NHSL1: variants seen among roughly 807,000 people sequenced by gnomAD.
NHSL1 encodes the protein NHS-like protein 1.
In NHSL1, 48 loss-of-function variants were observed where a neutral mutation model predicts 95.0. The observed-to-expected ratio is 0.51, with a 90% CI of 0.40 to 0.64. NHSL1 has a LOEUF of 0.64. Among genes scored for constraint, NHSL1 ranks in the 30% least tolerant of loss-of-function variants. The probability of loss-of-function intolerance (pLI) is 0.00; values close to 1 mark genes in which losing one functional copy is unlikely to be tolerated. For synonymous variants in NHSL1, 783 were observed against 833.9 expected (o/e 0.94, Z 1.05); for missense variants, 1,971 against 2,077.7 (o/e 0.95, Z 1.00).
intron 1 of NHSL1, among the ~76,000 whole-genome samples, chr6:138,536,234 T>C (rs1782338119): frequency 1.3e-5 from 2 of 152,332 alleles, no homozygotes. Context: ...ATCCATTCTA[T>C]GGTTTCACAA....
At chr6:138,619,947 CAAAA>C (rs11376703) in intron 1 of NHSL1, among the ~76,000 whole-genome samples, 3 of 102,194 alleles carry the variant, frequency 2.9e-5, no homozygotes, top group African/African-American at 7.3e-5. Context: ...AACTCTATCA[CAAAA>C]AAAAAAAAAA....
intron 1 of NHSL1, among the ~76,000 whole-genome samples, chr6:138,528,041 C>T (rs1036801150): frequency 6.6e-6 from 1 of 152,128 alleles, no homozygotes; most frequent in African/African-American, 2.4e-5. Context: ...GGCCATATTC[C>T]AATCCATATT....
intron 3 of NHSL1, among the ~76,000 whole-genome samples, chr6:138,447,538 C>T (rs1776943227): frequency 6.6e-6 from 1 of 152,154 alleles, no homozygotes; most frequent in Non-Finnish European, 1.5e-5. Context: ...CTTTAGGAGG[C>T]TGAGGTGGGT....
chr6:138,503,715 G>A (rs1458401638), upstream of NHSL1, among the ~76,000 whole-genome samples: 1 of 152,102 alleles, frequency 6.6e-6, no homozygotes, highest in Non-Finnish European at 1.5e-5. Context: ...TAAACATCCT[G>A]CTCAACCTTC....
intron 2 of NHSL1, among the ~76,000 whole-genome samples, chr6:138,474,821 G>C (rs1441918915): frequency 2.0e-5 from 3 of 152,032 alleles, no homozygotes; most frequent in African/African-American, 7.3e-5. Flanking sequence ...TTCTCCATTT[G>C]ACAATTTTCC....
upstream of NHSL1, among the ~76,000 whole-genome samples, chr6:138,575,447 AAAGT>A (rs1171542181): frequency 6.6e-6 from 1 of 152,232 alleles, no homozygotes. Context: ...ACTCTCCGTC[AAAGT>A]AAGTGCCCAC....
At chr6:138,596,974 C>T (rs1337117383) in intron 1 of NHSL1, among the ~76,000 whole-genome samples, 12 of 152,010 alleles carry the variant, frequency 7.9e-5, no homozygotes, top group Admixed American at 7.2e-4. Flanking sequence ...GCCTGGCCCA[C>T]GTGGCAAAAC....
intron 2 of NHSL1, among the ~76,000 whole-genome samples, chr6:138,474,534 C>A (rs1454086104): frequency 6.6e-6 from 1 of 151,760 alleles, no homozygotes; most frequent in Non-Finnish European, 1.5e-5. Flanking sequence ...AGTGGAAGGA[C>A]AACGTTTACA....
At chr6:138,569,374 T>G (rs969380996) in intron 1 of NHSL1, among the ~76,000 whole-genome samples, 1 of 152,066 alleles carries the variant, frequency 6.6e-6, no homozygotes, top group Non-Finnish European at 1.5e-5. Flanking sequence ...AAAATGTTAA[T>G]GTAAGTTAGG....
intron 1 of NHSL1, among the ~76,000 whole-genome samples, chr6:138,516,486 G>A (rs544511609): frequency 1.7e-4 from 26 of 152,274 alleles, no homozygotes; most frequent in African/African-American, 6.0e-4. Flanking sequence ...GGGGTTTGTG[G>A]CAATGGCTGT....
chr6:138,586,710 G>A (rs904964584), intron 1 of NHSL1, among the ~76,000 whole-genome samples: 3 of 152,208 alleles, frequency 2.0e-5, no homozygotes, highest in African/African-American at 7.2e-5. Flanking sequence ...AGGTAGTGGG[G>A]AGAGTGTGAA....
At chr6:138,651,465 AAATAG>A (rs1785092278) in intron 1 of NHSL1, among the ~76,000 whole-genome samples, 1 of 152,262 alleles carries the variant, frequency 6.6e-6, no homozygotes, top group Non-Finnish European at 1.5e-5. Flanking sequence ...CACGTTAACA[AAATAG>A]AATAGTTGTA....
chr6:138,431,425 G>A lies in NHSL1; in HGVS notation c.2920C>T (p.Pro974Ser). The change falls in exon 6 of 8, where the codon CCG (proline) becomes TCG (serine). Residue 974 changes from proline (P) to serine (S), a missense_variant. By Grantham distance (74) the Pro-to-Ser change is moderately conservative. This residue lies in a region of NHSL1 where 1,602 missense variants were observed against 1,654.5 expected (regional missense o/e 0.97). Coordinates refer to ENST00000343505, the MANE Select transcript of NHSL1 (RefSeq NM_001144060.2). This position sits in a 1 kb window ranked among gnomAD's most constrained non-coding sequence, Gnocchi z 4.0. ...AAAGGAATGAGAGCTTCTGGCGGCG[G>A]AGGGGGGAACACAGGAGAGTGAGGC... is the stretch of plus-strand genomic sequence containing the variant. Reference protein sequence around the residue: ...PLPHSPVFPPPPPEALIPFCS... With the variant: ...PLPHSPVFPPSPPEALIPFCS... 7.1e-6 allele frequency: 11 copies of A among 1,550,782 alleles called. No individual in the cohort carries two copies. The highest frequency in any genetic ancestry group is 9.6e-6 in the Non-Finnish European group (11 of 1,146,820).
At chr6:138,486,942 G>T (rs1418005778) in intron 2 of NHSL1, among the ~76,000 whole-genome samples, 1 of 152,234 alleles carries the variant, frequency 6.6e-6, no homozygotes, top group East Asian at 1.9e-4. Flanking sequence ...TCCAGGAAAG[G>T]TTGTGGGGGA....
intron 1 of NHSL1, among the ~76,000 whole-genome samples, chr6:138,679,207 G>C (rs1446154325): frequency 1.3e-5 from 2 of 152,042 alleles, no homozygotes; most frequent in African/African-American, 4.8e-5. Context: ...CAACCACCAA[G>C]GTGAGAAAAG....
chr6:138,595,787 C>T (rs1784295434), intron 1 of NHSL1, among the ~76,000 whole-genome samples: 2 of 152,082 alleles, frequency 1.3e-5, no homozygotes, highest in Non-Finnish European at 2.9e-5. Flanking sequence ...GGAAACAAAA[C>T]GCTGAGTCCT....
At chr6:138,569,168 G>A (rs1261956904) in intron 1 of NHSL1, among the ~76,000 whole-genome samples, 5 of 152,142 alleles carry the variant, frequency 3.3e-5, no homozygotes, top group African/African-American at 1.2e-4. Flanking sequence ...CCCACAGGGG[G>A]ACAACTGATG....
In NHSL1 at chr6:138,422,654, T is replaced by A. The variant is rs1774991149; in HGVS notation, c.*1427A>T. ...GTTAAGGGAGTAAGGGTGGGGGTAATGAGATTATTACATTAAAATAAAGAC... is the reference window on the plus strand; with the variant it reads ...GTTAAGGGAGTAAGGGTGGGGGTAAAGAGATTATTACATTAAAATAAAGAC... On this transcript the variant is annotated 3_prime_UTR_variant, in exon 8 of 8. Coordinates refer to ENST00000343505, the MANE Select transcript of NHSL1 (RefSeq NM_001144060.2). The A allele has an allele frequency of 6.6e-6, 1 of 152,146 alleles. No homozygotes were observed. Among genetic ancestry groups the A allele is most frequent in the Non-Finnish European group, 1.5e-5 (1 of 68,034 alleles). The allele number at this position is 152,146 out of a possible 1,614,324, so 9.4% of individuals were successfully genotyped here.
chr6:138,603,154 G>C (rs955629752), intron 1 of NHSL1, among the ~76,000 whole-genome samples: 5 of 152,192 alleles, frequency 3.3e-5, no homozygotes, highest in Non-Finnish European at 7.3e-5. Context: ...AAGCCAAAGA[G>C]TATATTGAGA....
Sources: gnomAD v4.1 joint callset for allele counts (sites outside exome capture counted in the v4.1 genomes callset) on GRCh38, gnomAD v4.1.1 for gene constraint, gnomAD v4.1.1 regional missense constraint, Gnocchi (gnomAD v3.1) non-coding constraint, MANE v1.5 for transcripts, NCBI Gene and HGNC (gene_info 2026-07-23, HGNC 2026-07-21) for gene names.